The following NR2C2 variants were observed in gnomAD, a reference collection of about 807,000 sequenced individuals.
NR2C2 encodes the protein Nuclear hormone receptor TR4.
Under a neutral mutation model 62.9 loss-of-function variants are expected in NR2C2, and 6 were observed. The observed-to-expected ratio is 0.10, with a 90% CI of 0.05 to 0.19. The LOEUF (loss-of-function observed/expected upper bound fraction) is 0.19. Ranked by LOEUF, NR2C2 falls within the 10% of genes least tolerant of loss-of-function variation. The pLI is 1.00. For missense variants in NR2C2, 479 were observed against 762.7 expected, an observed-to-expected ratio of 0.63 and a Z score of 4.38; for synonymous variants, 272 against 273.8, an observed-to-expected ratio of 0.99 and a Z score of 0.07.
rs1210700289 is a variant in NR2C2 at position 15,049,081 on chromosome 3, T to C, written c.*6073T>C. ...AAAAAATAGCATGTTCTTTTTAAAC[T>C]GAATTTTATATCTAATCAATGTCTT... On this transcript the variant is annotated 3_prime_UTR_variant, in exon 14 of 14. Coordinates refer to ENST00000425241, the MANE Select transcript of NR2C2 (RefSeq NM_001291694.2). 5 of 152,658 alleles carry C rather than the reference T, an allele frequency of 3.3e-5. No individual in the cohort carries two copies. The highest frequency in any genetic ancestry group is 9.6e-5 in the African/African-American group (4 of 41,456). 9.5% of individuals were successfully genotyped at this position (152,658 alleles called of 1,614,324 possible).
intron 9 of NR2C2, among the ~76,000 whole-genome samples, chr3:15,031,776 T>C (rs935265736): frequency 1.3e-5 from 2 of 151,390 alleles, no homozygotes; most frequent in Non-Finnish European, 2.9e-5. Context: ...TCACCCATAC[T>C]GGAGTGCAGT....
chr3:15,016,209 C>T lies in NR2C2; in HGVS notation c.331C>T (p.Pro111Ser), dbSNP rs759145453. 1.9e-6 allele frequency: 3 copies of T among 1,613,924 alleles called. No homozygotes were observed. The highest frequency in any genetic ancestry group is 1.7e-5 in the Admixed American group (1 of 59,996). Reference protein sequence around the residue: ...RLLGKTDVQRPQVVEYCVVCG... With the variant: ...RLLGKTDVQRSQVVEYCVVCG... ...ACTGGGGAAGACGGACGTCCAGCGG[C>T]CCCAGGTGGTAGAGTACTGTGTGGT... Residue 111 changes from proline to serine, a missense_variant, in exon 4 of 14, where the codon CCC (proline) becomes TCC (serine). This residue lies in a region of NR2C2 where 115 missense variants were observed against 152.3 expected (regional missense o/e 0.76). Coordinates refer to ENST00000425241, the MANE Select transcript of NR2C2 (RefSeq NM_001291694.2).
chr3:14,950,958 T>C (rs1485568052), intron 1 of NR2C2, among the ~76,000 whole-genome samples: 1 of 152,256 alleles, frequency 6.6e-6, no homozygotes, highest in Non-Finnish European at 1.5e-5. Flanking sequence ...TATGCCACTT[T>C]CTGGAGACAT....
At chr3:14,948,142 TG>T (rs1158190215) in intron 1 of NR2C2, 14 of 148,804 alleles carry the variant, frequency 9.4e-5, no homozygotes. Flanking sequence ...GGCGCAAGGG[TG>T]GGGGTGGAGG....
intron 2 of NR2C2, among the ~76,000 whole-genome samples, chr3:15,005,184 T>G (rs929827169): frequency 1.3e-5 from 2 of 151,954 alleles, no homozygotes; most frequent in African/African-American, 4.8e-5. Flanking sequence ...TCTCTATGTT[T>G]TGACATTTTT....
chr3:14,949,754 A>ATGAT (rs2039288254), intron 1 of NR2C2, among the ~76,000 whole-genome samples: 2 of 150,270 alleles, frequency 1.3e-5, no homozygotes, highest in South Asian at 2.1e-4. Flanking sequence ...ACATGTGAAT[A>ATGAT]TGATTTATTT....
intron 1 of NR2C2, among the ~76,000 whole-genome samples, chr3:14,982,047 T>A (rs138978152): frequency 1.3e-5 from 2 of 152,142 alleles, no homozygotes; most frequent in Non-Finnish European, 2.9e-5. Context: ...CACCCAGGAA[T>A]AATACTTTAC....
chr3:14,975,408 C>T (rs140642555), intron 1 of NR2C2, among the ~76,000 whole-genome samples: 309 of 152,216 alleles, frequency 2.0e-3, no homozygotes, highest in African/African-American at 7.2e-3. Context: ...TATTTTGTTA[C>T]GTGTTTTAAT....
intron 2 of NR2C2, 46 bp downstream of exon 2, chr3:15,004,032 CTT>C (rs1215551767): frequency 6.5e-7 from 1 of 1,531,444 alleles, no homozygotes; most frequent in African/African-American, 1.4e-5. Flanking sequence ...CAGAAGAACT[CTT>C]TCCAAAAACA....
intron 4 of NR2C2, among the ~76,000 whole-genome samples, chr3:15,017,880 A>T (rs1325633905): frequency 6.6e-6 from 1 of 152,222 alleles, no homozygotes; most frequent in African/African-American, 2.4e-5. Flanking sequence ...GTAGCTATGA[A>T]ATTGGATTAT....
chr3:15,008,082 C>T (rs1467572962), intron 2 of NR2C2, among the ~76,000 whole-genome samples: 1 of 152,192 alleles, frequency 6.6e-6, no homozygotes, highest in Non-Finnish European at 1.5e-5. Flanking sequence ...ACACCCGCTC[C>T]AGCCACCTGG....
intron 1 of NR2C2, among the ~76,000 whole-genome samples, chr3:14,978,337 A>G (rs762022045): frequency 6.6e-6 from 1 of 152,196 alleles, no homozygotes; most frequent in East Asian, 1.9e-4. Context: ...ATATTAGCCT[A>G]CAGTTGGGCA....
chr3:15,004,903 T>C (rs1450219572), intron 2 of NR2C2, among the ~76,000 whole-genome samples: 1 of 152,108 alleles, frequency 6.6e-6, no homozygotes, highest in Non-Finnish European at 1.5e-5. Flanking sequence ...CTTGCTTTCT[T>C]GGTTGCTTGC....
At chr3:15,009,001 A>G (rs1010436461) in intron 2 of NR2C2, among the ~76,000 whole-genome samples, 1 of 152,184 alleles carries the variant, frequency 6.6e-6, no homozygotes, top group African/African-American at 2.4e-5. Context: ...TGGACGGATC[A>G]CCTGAGGTTG....
chr3:15,031,663 TCTTA>T (rs1418968737), intron 9 of NR2C2, among the ~76,000 whole-genome samples: 1 of 151,820 alleles, frequency 6.6e-6, no homozygotes. Context: ...GCTGCTTAGC[TCTTA>T]CTTACTGCTA....
chr3:14,951,989 G>A (rs957494984), intron 1 of NR2C2, among the ~76,000 whole-genome samples: 6 of 152,124 alleles, frequency 3.9e-5, no homozygotes, highest in Admixed American at 2.6e-4. Flanking sequence ...CTCGTGATCC[G>A]CCTGCCTCGG....
chr3:14,956,773 T>C (rs575404186), intron 1 of NR2C2, among the ~76,000 whole-genome samples: 11 of 152,368 alleles, frequency 7.2e-5, no homozygotes, highest in Admixed American at 1.3e-4. Context: ...ACTCCTGACC[T>C]CAGGTGATCC....
At position 15,028,642 on chromosome 3, in the gene NR2C2, C is replaced by T; in HGVS notation, c.855C>T (p.Ala285=). ...GTLANVVTSL[A]NLSESLNNGD... ...TGGCAAATGTAGTGACCTCCCTTGCCAACCTAAGTGAATCTTTGAACAACG... is the reference window on the plus strand; with the variant it reads ...TGGCAAATGTAGTGACCTCCCTTGCTAACCTAAGTGAATCTTTGAACAACG... The change falls in exon 8 of 14, where the codon GCC becomes GCT. Residue 285 remains alanine (A), a synonymous_variant. Coordinates refer to ENST00000425241, the MANE Select transcript of NR2C2 (RefSeq NM_001291694.2). The T allele has an allele frequency of 6.2e-7, 1 of 1,614,102 alleles. No individual in the cohort carries two copies. The highest frequency in any genetic ancestry group is 8.5e-7 in the Non-Finnish European group (1 of 1,179,988).
At chr3:15,021,012 C>T (rs2041654300) in intron 5 of NR2C2, 80 bp downstream of exon 5, 2 of 1,369,764 alleles carry the variant, frequency 1.5e-6, no homozygotes, top group Admixed American at 4.4e-5. Flanking sequence ...GGTTTCTATA[C>T]CTGGCCTTAA....
Sources: gnomAD v4.1 joint callset for allele counts (sites outside exome capture counted in the v4.1 genomes callset) on GRCh38, gnomAD v4.1.1 for gene constraint, gnomAD v4.1.1 regional missense constraint, MANE v1.5 for transcripts, NCBI Gene and HGNC (gene_info 2026-07-23, HGNC 2026-07-21) for gene names.